FBXO38: variants seen among roughly 807,000 people sequenced by gnomAD.
The protein encoded by FBXO38 is F-box only protein 38.
FBXO38 carries 53 observed loss-of-function variants against 131.9 expected under a neutral mutation model. The ratio of observed to expected loss-of-function variants is 0.40; its 90% CI spans 0.32 to 0.51. The LOEUF (loss-of-function observed/expected upper bound fraction) is 0.51. Ranked by LOEUF, FBXO38 falls within the 20% of genes least tolerant of loss-of-function variation. The pLI, the probability that FBXO38 is intolerant of heterozygous loss-of-function variation, is 0.53. For synonymous variants in FBXO38, 452 were observed against 505.6 expected (o/e 0.89, Z 1.42); for missense variants, 1,076 against 1,475.6 (o/e 0.73, Z 4.44).
At chr5:148,423,955 T>C (rs756519467) in intron 12 of FBXO38, 43 bp from the exon 13 acceptor site, 8 of 1,584,884 alleles carry the variant, frequency 5.0e-6, no homozygotes, top group Admixed American at 1.7e-5. Flanking sequence ...TGTAGTTCTT[T>C]ATACTTCTTT....
chr5:148,419,283 C>T (rs1008559539), intron 12 of FBXO38, among the ~76,000 whole-genome samples: 1 of 152,124 alleles, frequency 6.6e-6, no homozygotes, highest in Non-Finnish European at 1.5e-5. Context: ...ACATTAGATT[C>T]CACAGGTCAC....
chr5:148,409,286 A>T (rs1010372977), intron 8 of FBXO38, 69 bp downstream of exon 8: 29 of 1,053,678 alleles, frequency 2.8e-5, no homozygotes, highest in Non-Finnish European at 3.6e-5. Flanking sequence ...TTTACAAAAA[A>T]TTGTGGAATG....
At chr5:148,401,407 A>G (rs1752142367) in intron 3 of FBXO38, among the ~76,000 whole-genome samples, 1 of 152,208 alleles carries the variant, frequency 6.6e-6, no homozygotes, top group Admixed American at 6.5e-5. Flanking sequence ...GTCTTTTTCA[A>G]AAGAATTAAT....
chr5:148,401,267 T>G (rs867546957), intron 3 of FBXO38, among the ~76,000 whole-genome samples: 3 of 152,214 alleles, frequency 2.0e-5, no homozygotes, highest in Non-Finnish European at 4.4e-5. Flanking sequence ...CAGCTCCTGC[T>G]GTGGAAGTAA....
chr5:148,424,690 G>T (rs894704074), intron 13 of FBXO38, among the ~76,000 whole-genome samples: 3 of 152,164 alleles, frequency 2.0e-5, no homozygotes, highest in Middle Eastern at 3.2e-3. Flanking sequence ...TTGAAATTGA[G>T]AAAACTGAAG....
intron 14 of FBXO38, among the ~76,000 whole-genome samples, chr5:148,426,633 T>G (rs1301438656): frequency 6.6e-6 from 1 of 152,230 alleles, no homozygotes; most frequent in Non-Finnish European, 1.5e-5. Context: ...CAAAACCTAT[T>G]TATTCCTTTA....
At chr5:148,404,336 C>T (rs969356083) in intron 5 of FBXO38, among the ~76,000 whole-genome samples, 4 of 152,136 alleles carry the variant, frequency 2.6e-5, no homozygotes, top group Non-Finnish European at 5.9e-5. Flanking sequence ...TATAGTTTTG[C>T]TTTCAGTAAT....
At chr5:148,438,558 T>A in intron 18 of FBXO38, 60 bp downstream of exon 18, 1 of 1,540,474 alleles carries the variant, frequency 6.5e-7, no homozygotes, top group South Asian at 1.2e-5. Context: ...TTTTTCTTTT[T>A]CTTGTTAGTC....
intron 17 of FBXO38, among the ~76,000 whole-genome samples, chr5:148,437,855 A>ACTT (rs1754437991): frequency 6.6e-6 from 1 of 151,836 alleles, no homozygotes; most frequent in Admixed American, 6.6e-5. Context: ...ACTAGATTGG[A>ACTT]CTGAATAGCT....
At position 148,394,828 on chromosome 5, in the gene FBXO38, C is replaced by A; in HGVS notation, c.52C>A (p.Pro18Thr). ...AACATGTATCATGAATAATGAAATT[C>A]CAGAAGAAATGACAGCAGATGAAAC... ...VKTCIMNNEI[P>T]EEMTADETKD... Residue 18 changes from proline (P) to threonine (T), a missense_variant, in exon 2 of 22, where the codon CCA becomes ACA. By Grantham distance (38) the Pro-to-Thr change is conservative. Around this residue, in one of 8 missense-constraint regions of FBXO38, gnomAD observed 58 missense variants for 53.1 expected, o/e 1.09. Coordinates refer to ENST00000340253, the MANE Select transcript of FBXO38 (RefSeq NM_205836.3). The A allele has an allele frequency of 6.2e-7, 1 of 1,603,300 alleles. No homozygotes were observed. The highest frequency in any genetic ancestry group is 8.5e-7 in the Non-Finnish European group (1 of 1,175,048).
chr5:148,392,200 C>T (rs1478372410), intron 1 of FBXO38, among the ~76,000 whole-genome samples: 1 of 152,024 alleles, frequency 6.6e-6, no homozygotes, highest in Admixed American at 6.6e-5. Context: ...TTCCGTAGTG[C>T]ACGTGAATGT....
rs764322313 is a variant in FBXO38, at chr5:148,406,309, C to G, written c.783C>G (p.Ala261=). ...YVPLVTGLAS[A]RNLEHLEMVR... is the part of the protein sequence containing the mutation. ...CTTTAGTAACAGGCTTAGCCTCTGC[C>G]CGAAACTTGGAACACTTAGAAATGG... Residue 261 remains alanine (A), a synonymous_variant, in exon 7 of 22, where the codon GCC becomes GCG. Transcript: ENST00000340253. 1 of 1,610,738 alleles carries G rather than the reference C, an allele frequency of 6.2e-7. No individual in the cohort carries two copies. The highest frequency in any genetic ancestry group is 1.1e-5 in the South Asian group (1 of 90,482).
In FBXO38 at chr5:148,442,207, A is replaced by G. The variant is rs1296463640; in HGVS notation, c.*60A>G. On this transcript the variant is annotated 3_prime_UTR_variant, in exon 22 of 22. Transcript: ENST00000340253. ...AAGCAAGTAGGGCCATCCAGCTGCC[A>G]GAGTGCTCCACAGGGACTTGAGGCA... The G allele has an allele frequency of 2.7e-5, 42 of 1,535,966 alleles. No individual in the cohort carries two copies. Among genetic ancestry groups the G allele is most frequent in the Non-Finnish European group, 3.5e-5 (39 of 1,119,040 alleles).
intron 12 of FBXO38, among the ~76,000 whole-genome samples, chr5:148,418,869 A>T (rs995501006): frequency 3.3e-5 from 5 of 152,228 alleles, no homozygotes; most frequent in Admixed American, 6.5e-5. Context: ...GACCAAAAAG[A>T]TATTCAAGAA....
At chr5:148,431,971 T>C (rs1754066211) in intron 15 of FBXO38, among the ~76,000 whole-genome samples, 1 of 152,202 alleles carries the variant, frequency 6.6e-6, no homozygotes. Context: ...AAGGATTTGG[T>C]GTGTAAAAAA....
intron 7 of FBXO38, among the ~76,000 whole-genome samples, chr5:148,408,348 A>G (rs888329067): frequency 2.0e-5 from 3 of 152,252 alleles, no homozygotes; most frequent in Admixed American, 2.0e-4. Context: ...TTGGTCATAC[A>G]CATAGCAACA....
At chr5:148,437,935 G>T (rs951095490) in intron 17 of FBXO38, among the ~76,000 whole-genome samples, 2 of 151,798 alleles carry the variant, frequency 1.3e-5, no homozygotes, top group Admixed American at 1.3e-4. Context: ...TTTGTGACAG[G>T]AATTAAAATC....
At chr5:148,437,810 T>C (rs1213779463) in intron 17 of FBXO38, among the ~76,000 whole-genome samples, 2 of 152,198 alleles carry the variant, frequency 1.3e-5, no homozygotes. Context: ...GTGTCTACAC[T>C]GTTCAGTATT....
intron 1 of FBXO38, chr5:148,390,153 C>G (rs149618324): frequency 6.6e-6 from 1 of 152,096 alleles, no homozygotes; most frequent in Non-Finnish European, 1.5e-5. Flanking sequence ...ATGAAATACT[C>G]AGCATAGCCC....
Sources: gnomAD v4.1 joint callset for allele counts (sites outside exome capture counted in the v4.1 genomes callset) on GRCh38, gnomAD v4.1.1 for gene constraint, gnomAD v4.1.1 regional missense constraint, MANE v1.5 for transcripts, NCBI Gene and HGNC (gene_info 2026-07-23, HGNC 2026-07-21) for gene names.